LHFPL6: variants seen among roughly 807,000 people sequenced by gnomAD.
The protein encoded by LHFPL6 is LHFPL tetraspan subfamily member 6 protein.
LHFPL6 carries 9 observed loss-of-function variants against 20.6 expected under a neutral mutation model. The ratio of observed to expected loss-of-function variants is 0.44; its 90% CI spans 0.26 to 0.76. The LOEUF (loss-of-function observed/expected upper bound fraction) is 0.76, where lower values mean the gene tolerates loss of function less well. Among genes scored for constraint, LHFPL6 ranks in the 30% least tolerant of loss-of-function variants. The pLI, the probability that LHFPL6 is intolerant of heterozygous loss-of-function variation, is 0.20. For missense variants in LHFPL6, 218 were observed against 253.5 expected (o/e 0.86, Z 0.95); for synonymous variants, 105 against 98.7 (o/e 1.06, Z -0.38).
chr13:39,554,377 TAAATCA>T (rs1226372201), intron 2 of LHFPL6, among the ~76,000 whole-genome samples: 2 of 152,238 alleles, frequency 1.3e-5, no homozygotes, highest in African/African-American at 4.8e-5. Flanking sequence ...ATTTTCTTAC[TAAATCA>T]AAATCATTGT....
chr13:39,381,243 G>T (rs1269126574), intron 2 of LHFPL6, among the ~76,000 whole-genome samples: 1 of 152,160 alleles, frequency 6.6e-6, no homozygotes, highest in East Asian at 1.9e-4. Flanking sequence ...TATGTGCCAT[G>T]AAGTCATGAA....
intron 2 of LHFPL6, among the ~76,000 whole-genome samples, chr13:39,423,833 A>G (rs975043286): frequency 2.0e-5 from 3 of 152,238 alleles, no homozygotes; most frequent in Non-Finnish European, 2.9e-5. Flanking sequence ...TCAAAGCAAC[A>G]TGGAATTGGG....
intron 3 of LHFPL6, among the ~76,000 whole-genome samples, chr13:39,369,941 G>A (rs557090830): frequency 6.6e-6 from 1 of 152,218 alleles, no homozygotes; most frequent in East Asian, 1.9e-4. Flanking sequence ...CCCAAAGCAG[G>A]ACAAGAGGTG....
intron 2 of LHFPL6, among the ~76,000 whole-genome samples, chr13:39,491,902 A>T (rs1257326206): frequency 1.3e-5 from 2 of 152,252 alleles, no homozygotes; most frequent in Non-Finnish European, 2.9e-5. Context: ...GTAAGAAGTC[A>T]AGAAAATCAG....
intron 2 of LHFPL6, among the ~76,000 whole-genome samples, chr13:39,414,943 G>A (rs189678741): frequency 2.6e-5 from 4 of 152,230 alleles, no homozygotes; most frequent in African/African-American, 9.6e-5. Context: ...GAAGCTACAG[G>A]GTCTTGAGTC....
chr13:39,544,938 A>C (rs1870929944), intron 2 of LHFPL6, among the ~76,000 whole-genome samples: 1 of 151,952 alleles, frequency 6.6e-6, no homozygotes, highest in Non-Finnish European at 1.5e-5. Context: ...GATTACTAAA[A>C]AGGAATAAAA....
chr13:39,577,909 G>C (rs947517958), intron 2 of LHFPL6, among the ~76,000 whole-genome samples: 2 of 151,804 alleles, frequency 1.3e-5, no homozygotes, highest in Admixed American at 6.6e-5. Flanking sequence ...CCAAAGTGCT[G>C]GGATTACAAG....
intron 3 of LHFPL6, among the ~76,000 whole-genome samples, chr13:39,372,584 T>G (rs576384519): frequency 6.6e-6 from 1 of 152,222 alleles, no homozygotes; most frequent in Non-Finnish European, 1.5e-5. Flanking sequence ...TTTGTGAAAG[T>G]GAATACTTTT....
chr13:39,566,294 A>C (rs1009901889), intron 2 of LHFPL6, among the ~76,000 whole-genome samples: 1 of 152,242 alleles, frequency 6.6e-6, no homozygotes, highest in African/African-American at 2.4e-5. Context: ...AAGTTCTAAT[A>C]AGGCAACTGG....
rs1249414254 is a variant in LHFPL6 at position 39,378,441 on chromosome 13, G to T, written c.471C>A (p.Gly157=). The change falls in exon 3 of 4, where the codon GGC becomes GGA. Residue 157 remains glycine (G), a synonymous_variant. Coordinates refer to ENST00000379589, the MANE Select transcript of LHFPL6 (RefSeq NM_005780.3). ...EVRQTCGYTS[G]QFDLGKCEIG... The stretch of plus-strand genomic sequence containing the variant: ...AAGAAAGCTTACCCAGGTCAAACTG[G>T]CCAGAAGTGTAGCCACAAGTCTGCC... 14 of 1,613,450 alleles carry T rather than the reference G, an allele frequency of 8.7e-6. No individual in the cohort carries two copies. Among genetic ancestry groups the T allele is most frequent in the African/African-American group, 1.3e-5 (1 of 74,828 alleles).
At chr13:39,396,631 C>A (rs112532632) in intron 2 of LHFPL6, among the ~76,000 whole-genome samples, 7,542 of 151,954 alleles carry the variant, frequency 0.05, 184 homozygotes, top group Middle Eastern at 0.071. Context: ...CACCATCTCT[C>A]CAAAAAACAA....
intron 3 of LHFPL6, among the ~76,000 whole-genome samples, chr13:39,365,769 G>C (rs1225376402): frequency 6.6e-6 from 1 of 152,136 alleles, no homozygotes; most frequent in Non-Finnish European, 1.5e-5. Flanking sequence ...GGAAAATGCA[G>C]CAAGGTTCCA....
At chr13:39,595,023 C>T (rs1050070686) in intron 2 of LHFPL6, among the ~76,000 whole-genome samples, 4 of 151,908 alleles carry the variant, frequency 2.6e-5, no homozygotes, top group African/African-American at 4.8e-5. Context: ...TGTTAAATGA[C>T]GAGTTAATGG....
chr13:39,547,539 A>G (rs1292367346), intron 2 of LHFPL6, among the ~76,000 whole-genome samples: 2 of 152,098 alleles, frequency 1.3e-5, no homozygotes, highest in African/African-American at 2.4e-5. Context: ...TTATTCTCAA[A>G]TTAACTAAAT....
At chr13:39,483,313 G>A (rs1868601378) in intron 2 of LHFPL6, among the ~76,000 whole-genome samples, 1 of 152,056 alleles carries the variant, frequency 6.6e-6, no homozygotes, top group African/African-American at 2.4e-5. Context: ...TTCTTTCTAA[G>A]GCTTGTGCTT....
At chr13:39,596,829 G>T (rs1023651743) in intron 2 of LHFPL6, among the ~76,000 whole-genome samples, 1 of 152,122 alleles carries the variant, frequency 6.6e-6, no homozygotes, top group Admixed American at 6.5e-5. Flanking sequence ...ACTTGGCAGA[G>T]AGCTTGGATA....
chr13:39,446,262 A>T (rs957331702), intron 2 of LHFPL6, among the ~76,000 whole-genome samples: 4 of 152,140 alleles, frequency 2.6e-5, no homozygotes, highest in African/African-American at 9.7e-5. Context: ...AGGCCTACTT[A>T]TCTTTTGTGT....
intron 2 of LHFPL6, among the ~76,000 whole-genome samples, chr13:39,470,185 G>T (rs1240315546): frequency 6.6e-6 from 1 of 152,090 alleles, no homozygotes. Flanking sequence ...AAACTAAATG[G>T]TCAAGAGGAA....
At chr13:39,473,456 T>C (rs1873001187) in intron 2 of LHFPL6, among the ~76,000 whole-genome samples, 1 of 151,336 alleles carries the variant, frequency 6.6e-6, no homozygotes, top group African/African-American at 2.4e-5. Context: ...GACTCCAGAG[T>C]GAAAGACTGA....
Sources: allele counts gnomAD v4.1 joint callset (sites outside exome capture counted in the v4.1 genomes callset), GRCh38; gene constraint gnomAD v4.1.1; transcripts MANE v1.5; gene names NCBI Gene and HGNC (gene_info 2026-07-23, HGNC 2026-07-21).